The following TMEM163 variants were observed in gnomAD, a reference collection of about 807,000 sequenced individuals.
TMEM163 encodes the protein transmembrane protein 163.
A neutral mutation model predicts 29.3 loss-of-function variants in TMEM163; 17 were observed. The ratio of observed to expected loss-of-function variants is 0.58; its 90% CI spans 0.40 to 0.87. TMEM163 has a LOEUF of 0.87. Ranked by LOEUF, TMEM163 falls within the 40% of genes least tolerant of loss-of-function variation. The pLI, the probability that TMEM163 is intolerant of heterozygous loss-of-function variation, is 0.00. For missense variants in TMEM163, 303 were observed against 381.5 expected, an observed-to-expected ratio of 0.79 and a Z score of 1.71; for synonymous variants, 157 against 160.6, an observed-to-expected ratio of 0.98 and a Z score of 0.17.
chr2:134,673,730 C>T (rs1220803360), intron 2 of TMEM163, among the ~76,000 whole-genome samples: 1 of 152,148 alleles, frequency 6.6e-6, no homozygotes, highest in Admixed American at 6.5e-5. Flanking sequence ...CTGAGGAATG[C>T]AGGCAGCCTC....
intron 2 of TMEM163, among the ~76,000 whole-genome samples, chr2:134,611,679 G>C (rs984968089): frequency 6.6e-6 from 1 of 152,168 alleles, no homozygotes; most frequent in African/African-American, 2.4e-5. Flanking sequence ...AATGATGCTA[G>C]ACTCAACCCA....
At chr2:134,616,678 TA>T (rs1466563959) in intron 2 of TMEM163, among the ~76,000 whole-genome samples, 1 of 152,300 alleles carries the variant, frequency 6.6e-6, no homozygotes, top group Non-Finnish European at 1.5e-5. Context: ...GTATAACTGG[TA>T]AAATCTGTAT....
At chr2:134,578,361 G>C (rs987893708) in intron 2 of TMEM163, among the ~76,000 whole-genome samples, 3 of 152,158 alleles carry the variant, frequency 2.0e-5, no homozygotes, top group Non-Finnish European at 2.9e-5. Flanking sequence ...TAAGGGAAGA[G>C]CAGAATATTT....
At chr2:134,688,739 G>A (rs1194483451) in intron 2 of TMEM163, among the ~76,000 whole-genome samples, 1 of 152,144 alleles carries the variant, frequency 6.6e-6, no homozygotes, top group Non-Finnish European at 1.5e-5. Flanking sequence ...CTGTTCTAAT[G>A]TCTTATAATA....
chr2:134,636,391 C>T (rs1683105441), intron 2 of TMEM163, among the ~76,000 whole-genome samples: 1 of 152,224 alleles, frequency 6.6e-6, no homozygotes, highest in South Asian at 2.1e-4. Flanking sequence ...TAAACATGTA[C>T]AGCAGCTCCT....
At position 134,456,463 on chromosome 2, in the gene TMEM163, T is replaced by TA. The variant is rs3214699; in HGVS notation, c.*252dup. The stretch of plus-strand genomic sequence containing the variant: ...ATGAGAACCATCATACTCCAGAGAC[T>TA]AAAAAACGCCAGTCCCAGCTGGAGA... On this transcript the variant is annotated 3_prime_UTR_variant, in exon 8 of 8. Coordinates refer to ENST00000281924, the MANE Select transcript of TMEM163 (RefSeq NM_030923.5). 123,803 of 522,260 alleles carry TA rather than the reference T, an allele frequency of 0.24. 18,382 individuals carry two copies. The highest frequency in any genetic ancestry group is 0.49 in the African/African-American group (25,244 of 51,874). 32.4% of individuals were successfully genotyped at this position (522,260 alleles called of 1,614,324 possible).
At chr2:134,677,633 A>G (rs1412440135) in intron 2 of TMEM163, among the ~76,000 whole-genome samples, 1 of 152,246 alleles carries the variant, frequency 6.6e-6, no homozygotes, top group Non-Finnish European at 1.5e-5. Context: ...TAATATGACC[A>G]TAGCTATACG....
chr2:134,660,172 T>C (rs59774475), intron 2 of TMEM163, among the ~76,000 whole-genome samples: 22,931 of 152,008 alleles, frequency 0.15, 2,579 homozygotes, highest in African/African-American at 0.32. Flanking sequence ...AGCACCCAGA[T>C]GCCATGGTGG....
At chr2:134,554,422 CAAAAAAAA>C (rs941286100) in intron 2 of TMEM163, among the ~76,000 whole-genome samples, 29 of 21,146 alleles carry the variant, frequency 1.4e-3, no homozygotes, top group South Asian at 4.9e-3. Flanking sequence ...GACCCCATCT[CAAAAAAAA>C]AAAAAAAAAA....
chr2:134,685,179 TGAG>T (rs1684327772), intron 2 of TMEM163, among the ~76,000 whole-genome samples: 1 of 152,228 alleles, frequency 6.6e-6, no homozygotes, highest in Non-Finnish European at 1.5e-5. Context: ...AGATCCTGGC[TGAG>T]TCAGCTTCTG....
At chr2:134,606,792 G>A (rs1328552385) in intron 2 of TMEM163, among the ~76,000 whole-genome samples, 1 of 152,216 alleles carries the variant, frequency 6.6e-6, no homozygotes. Flanking sequence ...ATTCAGGGAA[G>A]ATGAGGATTG....
chr2:134,489,856 TA>T (rs1679392150), intron 5 of TMEM163, among the ~76,000 whole-genome samples: 1 of 152,128 alleles, frequency 6.6e-6, no homozygotes, highest in Admixed American at 6.5e-5. Context: ...CAAAGGGGTG[TA>T]AAAATGTCCA....
intron 2 of TMEM163, among the ~76,000 whole-genome samples, chr2:134,701,698 T>C (rs906151261): frequency 2.6e-5 from 4 of 151,758 alleles, no homozygotes; most frequent in African/African-American, 9.7e-5. Flanking sequence ...TTACTTGAGG[T>C]CAGGAGTTCA....
At chr2:134,542,203 CA>C (rs1680690649) in intron 4 of TMEM163, among the ~76,000 whole-genome samples, 1 of 152,156 alleles carries the variant, frequency 6.6e-6, no homozygotes, top group Admixed American at 6.5e-5. Flanking sequence ...AAACAATTTT[CA>C]AAATTTTAGG....
intron 2 of TMEM163, among the ~76,000 whole-genome samples, chr2:134,593,413 G>C (rs564120184): frequency 1.1e-5 from 1 of 88,958 alleles, no homozygotes; most frequent in South Asian, 2.8e-4. Flanking sequence ...GCAGGCCAAA[G>C]AGACAGTCAG....
intron 2 of TMEM163, among the ~76,000 whole-genome samples, chr2:134,705,514 G>A (rs913978156): frequency 6.6e-6 from 1 of 152,154 alleles, no homozygotes; most frequent in Non-Finnish European, 1.5e-5. Flanking sequence ...CCAATGGGAA[G>A]GAGGCATGGC....
chr2:134,502,839 A>G (rs1679728794), intron 5 of TMEM163, 62 bp downstream of exon 5: 2 of 1,477,080 alleles, frequency 1.4e-6, no homozygotes, highest in Admixed American at 3.7e-5. Flanking sequence ...CCCTGCGATA[A>G]GAGGCAGCCC....
At chr2:134,604,062 T>A (rs1055325509) in intron 2 of TMEM163, among the ~76,000 whole-genome samples, 46 of 152,140 alleles carry the variant, frequency 3.0e-4, no homozygotes, top group African/African-American at 8.4e-4. Flanking sequence ...ACTACTGCAA[T>A]CAAAGGAGTG....
chr2:134,603,397 TA>T (rs998811838), intron 2 of TMEM163, among the ~76,000 whole-genome samples: 17 of 152,192 alleles, frequency 1.1e-4, no homozygotes, highest in African/African-American at 4.1e-4. Context: ...GGAAGTAATT[TA>T]AAATGGCAAG....
Sources: allele counts gnomAD v4.1 joint callset (sites outside exome capture counted in the v4.1 genomes callset), GRCh38; gene constraint gnomAD v4.1.1; transcripts MANE v1.5; gene names NCBI Gene and HGNC (gene_info 2026-07-23, HGNC 2026-07-21).